ZNF148: variants seen among roughly 807,000 people sequenced by gnomAD.
ZNF148 encodes zinc finger protein 148, also known as Beta-Enolase Repressor Factor-1.
A neutral mutation model predicts 67.7 loss-of-function variants in ZNF148; 7 were observed. That is an observed-to-expected ratio of 0.10 (90% confidence interval 0.06 to 0.19). The LOEUF is 0.19. ZNF148 is among the 10% of genes least tolerant of loss of function. The pLI is 1.00. For missense variants in ZNF148, 583 were observed against 947.1 expected (o/e 0.62, Z 5.05); for synonymous variants, 333 against 330.7 (o/e 1.01, Z -0.08).
At chr3:125,359,565 C>T (rs1942472057) in intron 1 of ZNF148, among the ~76,000 whole-genome samples, 1 of 152,166 alleles carries the variant, frequency 6.6e-6, no homozygotes, top group African/African-American at 2.4e-5. Flanking sequence ...TCATTCTTAC[C>T]ATGTGCCCCA....
intron 1 of ZNF148, among the ~76,000 whole-genome samples, chr3:125,337,016 C>CAAAAAAA (rs1296364662): frequency 8.7e-6 from 1 of 115,376 alleles, no homozygotes; most frequent in Non-Finnish European, 1.8e-5. Flanking sequence ...TCTACTCTCA[C>CAAAAAAA]AAAAAAAAAA....
intron 1 of ZNF148, among the ~76,000 whole-genome samples, chr3:125,364,043 T>G (rs1195842954): frequency 1.3e-5 from 2 of 152,138 alleles, no homozygotes; most frequent in African/African-American, 4.8e-5. Context: ...TTAAATAGTC[T>G]CTTATTTACC....
intron 2 of ZNF148, among the ~76,000 whole-genome samples, chr3:125,329,376 T>G (rs1317554217): frequency 7.0e-6 from 1 of 143,616 alleles, no homozygotes; most frequent in Non-Finnish European, 1.5e-5. Context: ...TTTTTTTTTT[T>G]TTAAAGACAG....
chr3:125,335,624 TTC>T (rs1941459302), intron 1 of ZNF148, among the ~76,000 whole-genome samples: 1 of 152,218 alleles, frequency 6.6e-6, no homozygotes, highest in Non-Finnish European at 1.5e-5. Flanking sequence ...TTAATTTCCA[TTC>T]TGTGTTTAAA....
intron 1 of ZNF148, among the ~76,000 whole-genome samples, chr3:125,338,574 C>T (rs1429760106): frequency 2.9e-5 from 4 of 140,340 alleles, no homozygotes; most frequent in Non-Finnish European, 4.5e-5. Flanking sequence ...GCATGAGAAT[C>T]GCTTTAGCCT....
chr3:125,340,409 T>C (rs989628376), intron 1 of ZNF148, among the ~76,000 whole-genome samples: 4 of 152,092 alleles, frequency 2.6e-5, no homozygotes, highest in Non-Finnish European at 5.9e-5. Flanking sequence ...GACCCAGCCA[T>C]AGCAAGTGGC....
intron 1 of ZNF148, among the ~76,000 whole-genome samples, chr3:125,355,693 G>T (rs1417238058): frequency 3.3e-5 from 5 of 150,830 alleles, no homozygotes; most frequent in African/African-American, 4.9e-5. Flanking sequence ...TTGAGACCAG[G>T]CTGCTCAACA....
chr3:125,272,626 A>G (rs1278892369), intron 7 of ZNF148, among the ~76,000 whole-genome samples: 1 of 59,432 alleles, frequency 1.7e-5, no homozygotes, highest in Non-Finnish European at 3.6e-5. Flanking sequence ...GGTTTTTATC[A>G]ATTTATATAT....
At chr3:125,290,184 A>G (rs1007893311) in intron 4 of ZNF148, among the ~76,000 whole-genome samples, 21 of 152,164 alleles carry the variant, frequency 1.4e-4, no homozygotes, top group African/African-American at 4.6e-4. Flanking sequence ...AGAAGCGGTC[A>G]GACATGATTT....
chr3:125,256,179 C>G lies in ZNF148; in HGVS notation c.667+21547G>C, dbSNP rs187758186. Among the ~76,000 whole-genome samples the G allele has an allele frequency of 1.8e-3, 274 of 150,998 alleles. 3 individuals carry two copies. The highest frequency in any genetic ancestry group is 1.1e-3 in the Non-Finnish European group (77 of 67,788). On this transcript the variant is annotated intron_variant, in intron 7 of 8. Transcript: ENST00000360647. ...GAGATCGAGCCCATCCTGGCTAACA[C>G]AGCAAAACCCTGTCTCTACTGAAAA...
intron 4 of ZNF148, among the ~76,000 whole-genome samples, chr3:125,298,371 A>ACACACACACACACACACG (rs1246466966): frequency 6.6e-6 from 1 of 151,962 alleles, no homozygotes; most frequent in East Asian, 1.9e-4. Context: ...ACACACACAC[A>ACACACACACACACACACG]CATGCTCCTT....
At chr3:125,324,755 G>A (rs1276360360) in intron 2 of ZNF148, among the ~76,000 whole-genome samples, 1 of 152,122 alleles carries the variant, frequency 6.6e-6, no homozygotes, top group Admixed American at 6.5e-5. Flanking sequence ...TATCACTAAT[G>A]ATTTCCTCTT....
At chr3:125,338,501 T>G (rs974662859) in intron 1 of ZNF148, among the ~76,000 whole-genome samples, 1 of 151,490 alleles carries the variant, frequency 6.6e-6, no homozygotes, top group Non-Finnish European at 1.5e-5. Flanking sequence ...TAAAATACTA[T>G]TACAAGTAAT....
chr3:125,365,502 A>G (rs1432366652), intron 1 of ZNF148, among the ~76,000 whole-genome samples: 1 of 152,190 alleles, frequency 6.6e-6, no homozygotes, highest in Non-Finnish European at 1.5e-5. Context: ...AGCTGCTGCC[A>G]TTTGAATATT....
At chr3:125,367,806 G>T (rs1405104178) in intron 1 of ZNF148, among the ~76,000 whole-genome samples, 2 of 152,192 alleles carry the variant, frequency 1.3e-5, no homozygotes, top group Non-Finnish European at 2.9e-5. Flanking sequence ...CAAGTAATTT[G>T]TGGGGTACAG....
At chr3:125,258,281 C>T (rs537484219) in intron 7 of ZNF148, among the ~76,000 whole-genome samples, 7 of 151,740 alleles carry the variant, frequency 4.6e-5, no homozygotes, top group Non-Finnish European at 8.8e-5. Context: ...AAAAATTAGC[C>T]GGGCATGGTG....
intron 1 of ZNF148, among the ~76,000 whole-genome samples, chr3:125,350,081 A>G (rs1315170993): frequency 6.6e-6 from 1 of 152,234 alleles, no homozygotes; most frequent in East Asian, 1.9e-4. Context: ...GGTTCCTCAC[A>G]AAACTAAAAA....
At chr3:125,361,101 T>G (rs1285536915) in intron 1 of ZNF148, among the ~76,000 whole-genome samples, 1 of 152,098 alleles carries the variant, frequency 6.6e-6, no homozygotes, top group Non-Finnish European at 1.5e-5. Flanking sequence ...TCAATTCCCG[T>G]GGCTCAATGA....
intron 7 of ZNF148, among the ~76,000 whole-genome samples, chr3:125,243,543 C>G (rs1481710814): frequency 6.6e-6 from 1 of 152,036 alleles, no homozygotes; most frequent in African/African-American, 2.4e-5. Context: ...TTTTGAAGAG[C>G]AGGGTCTCAC....
Sources: gnomAD v4.1 joint callset for allele counts (sites outside exome capture counted in the v4.1 genomes callset) on GRCh38, gnomAD v4.1.1 for gene constraint, MANE v1.5 for transcripts, NCBI Gene and HGNC (gene_info 2026-07-23, HGNC 2026-07-21) for gene names.